KCNJ10: variants seen among roughly 807,000 people sequenced by gnomAD.
KCNJ10 encodes the protein potassium inwardly rectifying channel subfamily J member 10.
A neutral mutation model predicts 22.2 loss-of-function variants in KCNJ10; 9 were observed. The observed-to-expected ratio is 0.40, with a 90% confidence interval of 0.24 to 0.71. The LOEUF (loss-of-function observed/expected upper bound fraction) is 0.71. KCNJ10 is among the 30% of genes least tolerant of loss of function. The pLI is 0.35. For synonymous variants in KCNJ10, 184 were observed against 187.3 expected (o/e 0.98, Z 0.15); for missense variants, 337 against 482.7 (o/e 0.70, Z 2.83).
rs137853071 is a variant in KCNJ10 at position 160,041,644 on chromosome 1, G to A, written c.889C>T (p.Arg297Cys). 7 of 1,614,120 alleles carry A rather than the reference G, an allele frequency of 4.3e-6. No homozygotes were observed. The highest frequency in any genetic ancestry group is 2.2e-5 in the East Asian group (1 of 44,886). ...ATCTCCTCTGGCAGGTAGGAAGTGC[G>A]CACCTGACAGGTGGCACTGGTGGAC... ...VESTSATCQV[R>C]TSYLPEEILW... Residue 297 changes from arginine to cysteine, a missense_variant, in exon 2 of 2, where the codon CGC becomes TGC. Physicochemically the swap from Arg to Cys is radical, Grantham distance 180. Around this residue, in one of 3 missense-constraint regions of KCNJ10, gnomAD observed 165 missense variants for 281.5 expected, o/e 0.59. Coordinates refer to ENST00000644903, the MANE Select transcript of KCNJ10 (RefSeq NM_002241.5). This position sits in a 1 kb window ranked among gnomAD's most constrained non-coding sequence, Gnocchi z 4.4.
At chr1:160,055,893 C>T (rs1649022663) in intron 1 of KCNJ10, among the ~76,000 whole-genome samples, 1 of 152,198 alleles carries the variant, frequency 6.6e-6, no homozygotes, top group South Asian at 2.1e-4. Context: ...TTCCACGTCA[C>T]CTCTGCCCTG....
rs2101923769 is a variant in KCNJ10, at chr1:160,039,680, A to C, written c.*1713T>G. 1 of 152,376 alleles carries C rather than the reference A, an allele frequency of 6.6e-6. No homozygotes were observed. The highest frequency in any genetic ancestry group is 1.9e-4 in the East Asian group (1 of 5,182). The allele number at this position is 152,376 out of a possible 1,614,324, so 9.4% of individuals were successfully genotyped here. A position where few individuals can be genotyped will look rare whatever the true frequency, so the allele number is the denominator to read the frequency against. ...ATATAACAAGACCTTGTGCAATTAT[A>C]GTTGGTGGTGATCATGGGTCTAGCC... On this transcript the variant is annotated 3_prime_UTR_variant, in exon 2 of 2. Coordinates refer to ENST00000644903, the MANE Select transcript of KCNJ10 (RefSeq NM_002241.5).
rs56656397 is a variant in KCNJ10 at position 160,039,373 on chromosome 1, G to GACACACACAC, written c.*2010_*2019dup. On this transcript the variant is annotated 3_prime_UTR_variant, in exon 2 of 2. Transcript: ENST00000644903. ...ACTTGGCAATGGATAGGAAGGTATA[G>GACACACACAC]ACACACACACACACACACACACACA... 62 of 135,040 alleles carry GACACACACAC rather than the reference G, an allele frequency of 4.6e-4. No individual in the cohort carries two copies. The highest frequency in any genetic ancestry group is 1.2e-3 in the African/African-American group (41 of 35,298). The allele number at this position is 135,040 out of a possible 1,614,324, so 8.4% of individuals were successfully genotyped here.
At chr1:160,045,650 G>T (rs1346038238) in intron 1 of KCNJ10, among the ~76,000 whole-genome samples, 1 of 152,180 alleles carries the variant, frequency 6.6e-6, no homozygotes, top group Non-Finnish European at 1.5e-5. Context: ...CAAAAAAGTA[G>T]TTGATTCTAC....
chr1:160,053,677 C>G (rs953837692), intron 1 of KCNJ10, among the ~76,000 whole-genome samples: 18 of 152,092 alleles, frequency 1.2e-4, no homozygotes, highest in African/African-American at 4.1e-4. Context: ...GCCTCTGTCT[C>G]CCACTCCCTG....
chr1:160,062,076 C>T (rs1649212702), intron 1 of KCNJ10, among the ~76,000 whole-genome samples: 1 of 152,026 alleles, frequency 6.6e-6, no homozygotes, highest in Non-Finnish European at 1.5e-5. Context: ...CCAACTCCTC[C>T]ACAGACTGCC....
In KCNJ10 at chr1:160,040,499, G is replaced by C; in HGVS notation, c.*894C>G. The C allele has an allele frequency of 2.5e-6, 1 of 398,656 alleles. No individual in the cohort carries two copies. The highest frequency in any genetic ancestry group is 4.4e-6 in the Non-Finnish European group (1 of 226,102). 24.7% of individuals were successfully genotyped at this position (398,656 alleles called of 1,614,324 possible). ...AGTGTAATCTGGAATATTATTTTCA[G>C]ACCTTTCCATGGGGCCTGGGTACTG... On this transcript the variant is annotated 3_prime_UTR_variant, in exon 2 of 2. Transcript: ENST00000644903.
chr1:160,058,661 G>A (rs1649103840), intron 1 of KCNJ10, among the ~76,000 whole-genome samples: 1 of 152,148 alleles, frequency 6.6e-6, no homozygotes. Context: ...AGGAAGTGGA[G>A]GGACCCTATC....
At chr1:160,055,398 A>G (rs951068974) in intron 1 of KCNJ10, among the ~76,000 whole-genome samples, 3 of 152,152 alleles carry the variant, frequency 2.0e-5, no homozygotes, top group African/African-American at 7.2e-5. Flanking sequence ...CCTTGACCCC[A>G]GCAGTCTCTG....
Position 160,041,588 on chromosome 1 carries a change from G to A in KCNJ10, c.945C>T (p.Ile315=). Residue 315 remains isoleucine (I), a synonymous_variant, in exon 2 of 2, where the codon ATC becomes ATT. Transcript: ENST00000644903. This position sits in a 1 kb window ranked among gnomAD's most constrained non-coding sequence, Gnocchi z 4.4. The stretch of plus-strand genomic sequence containing the variant: ...TGTATTTACCACTGGCTGACAGTGA[G>A]ATGGCAGGTGTGAACTCGTAGCCCC... ...ILWGYEFTPA[I]SLSASGKYIA... 1.9e-6 allele frequency: 3 copies of A among 1,614,240 alleles called. No homozygotes were observed. Among genetic ancestry groups the A allele is most frequent in the Non-Finnish European group, 2.5e-6 (3 of 1,180,042 alleles).
At chr1:160,045,254 A>G (rs1325999197) in intron 1 of KCNJ10, among the ~76,000 whole-genome samples, 1 of 152,212 alleles carries the variant, frequency 6.6e-6, no homozygotes, top group Non-Finnish European at 1.5e-5. Context: ...GATACACCAG[A>G]GAGCTTCATC....
chr1:160,068,009 A>G (rs1426898648), intron 1 of KCNJ10: 1 of 152,126 alleles, frequency 6.6e-6, no homozygotes, highest in African/African-American at 2.4e-5. Flanking sequence ...GCTCAAGCCA[A>G]CCAAGCTGGA....
rs767294564 is a variant in KCNJ10 at position 160,041,940 on chromosome 1, A to C, written c.593T>G (p.Ile198Ser). The C allele has an allele frequency of 6.2e-7, 1 of 1,612,288 alleles. No individual in the cohort carries two copies. Among genetic ancestry groups the C allele is most frequent in the Non-Finnish European group, 8.5e-7 (1 of 1,178,680 alleles). The change falls in exon 2 of 2, where the codon ATC (isoleucine) becomes AGC (serine). Residue 198 changes from isoleucine (I) to serine (S), a missense_variant. Ile to Ser is a moderately radical substitution (Grantham distance 142, BLOSUM62 -2). Transcript: ENST00000644903. The surrounding 1 kb of genome is among the most constrained non-coding windows in gnomAD (Gnocchi z 4.4). ...GCTTTTGCGCATATTGGCAACTCGGATCATGAGGCAGGGCTTGCCATTGTG... is the reference window on the plus strand; with the variant it reads ...GCTTTTGCGCATATTGGCAACTCGGCTCATGAGGCAGGGCTTGCCATTGTG... ...ASHNGKPCLM[I>S]RVANMRKSLL...
chr1:160,064,342 G>A (rs1649265793), intron 1 of KCNJ10, among the ~76,000 whole-genome samples: 1 of 152,190 alleles, frequency 6.6e-6, no homozygotes, highest in Non-Finnish European at 1.5e-5. Flanking sequence ...GAAGGTACAT[G>A]ACCTATGATA....
intron 1 of KCNJ10, chr1:160,062,508 C>CT (rs1324236082): frequency 6.6e-6 from 1 of 152,286 alleles, no homozygotes; most frequent in African/African-American, 2.4e-5. Context: ...CTAAGGAGAT[C>CT]TTGGCCCACA....
chr1:160,042,567 G>T (rs374301166), intron 1 of KCNJ10, 35 bp from the exon 2 acceptor site: 6 of 1,595,358 alleles, frequency 3.8e-6, no homozygotes, highest in South Asian at 3.3e-5. Context: ...GGAGGTTATC[G>T]TAGAAATCCA....
At chr1:160,053,986 T>C (rs1188399456) in intron 1 of KCNJ10, among the ~76,000 whole-genome samples, 1 of 152,156 alleles carries the variant, frequency 6.6e-6, no homozygotes, top group Non-Finnish European at 1.5e-5. Flanking sequence ...CTAGGACCAC[T>C]GCCCCTTCCT....
At position 160,049,675 on chromosome 1, in the gene KCNJ10, T is replaced by TTATA. The variant is rs57790887; in HGVS notation, c.1-7147_1-7144dup. On this transcript the variant is annotated intron_variant, in intron 1 of 1. Transcript: ENST00000644903. ...AAGAAGGATCCAGCATTTTATTTAT[T>TTATA]TATATATATATATATATATATATAT... is the stretch of plus-strand genomic sequence containing the variant. Among the ~76,000 whole-genome samples, 454 of 47,022 alleles carry TTATA rather than the reference T, an allele frequency of 9.7e-3. 9 individuals carry two copies. Among genetic ancestry groups the TTATA allele is most frequent in the South Asian group, 0.021 (24 of 1,126 alleles). The allele number at this position is 47,022 out of a possible 152,430, so 30.8% of individuals were successfully genotyped here.
chr1:160,049,713 A>ATTTATATT (rs1212801315), intron 1 of KCNJ10, among the ~76,000 whole-genome samples: 18 of 120,888 alleles, frequency 1.5e-4, no homozygotes, highest in Non-Finnish European at 2.5e-4. Context: ...ATATATATAT[A>ATTTATATT]TATATATGTT....
Sources: allele counts gnomAD v4.1 joint callset (sites outside exome capture counted in the v4.1 genomes callset), GRCh38; gene constraint gnomAD v4.1.1; regional missense constraint gnomAD v4.1.1; non-coding constraint Gnocchi (gnomAD v3.1); transcripts MANE v1.5; gene names NCBI Gene and HGNC (gene_info 2026-07-23, HGNC 2026-07-21).